The following ITGB5 variants were observed in gnomAD, a reference collection of about 807,000 sequenced individuals.
ITGB5 encodes the protein integrin beta-5.
Under a neutral mutation model 84.8 loss-of-function variants are expected in ITGB5, and 38 were observed. The observed-to-expected ratio is 0.45, with a 90% confidence interval of 0.35 to 0.59. The LOEUF is 0.59. Among genes scored for constraint, ITGB5 ranks in the 20% least tolerant of loss-of-function variants. The probability of loss-of-function intolerance (pLI) is 0.01; values close to 1 mark genes in which losing one functional copy is unlikely to be tolerated. For missense variants in ITGB5, 905 were observed against 1,034.5 expected (o/e 0.87, Z 1.72); for synonymous variants, 393 against 414.4 (o/e 0.95, Z 0.63).
At chr3:124,769,293 G>A in intron 11 of ITGB5, 180 bp from the exon 12 acceptor site, 1 of 574,496 alleles carries the variant, frequency 1.7e-6, no homozygotes, top group Non-Finnish European at 3.1e-6. Flanking sequence ...AAGCCCAAGG[G>A]TTCTTGGAGG....
chr3:124,872,312 G>A (rs2107638222), intron 2 of ITGB5, among the ~76,000 whole-genome samples: 1 of 152,280 alleles, frequency 6.6e-6, no homozygotes, highest in East Asian at 1.9e-4. Context: ...ACACTTGTGT[G>A]ACCTTGAGTG....
At position 124,788,970 on chromosome 3, in the gene ITGB5, G is replaced by A. The variant is rs942371410; in HGVS notation, c.1693+7418C>T. ...GCACTTTGGGATGCTGAGGTGGGAG[G>A]ATCCCTTGAGCCCAGGAGTTCAAGA... On this transcript the variant is annotated intron_variant, in intron 10 of 14. Transcript: ENST00000296181. 2.6e-5 allele frequency among the ~76,000 whole-genome samples: 4 copies of A among 152,242 alleles called. No individual in the cohort carries two copies. The South Asian group carries it at 6.2e-4, about 24-fold the overall frequency.
chr3:124,787,575 T>C (rs2064099327), intron 10 of ITGB5: 1 of 152,244 alleles, frequency 6.6e-6, no homozygotes, highest in South Asian at 2.1e-4. Context: ...AGTACAACAC[T>C]TGGCTTATGA....
chr3:124,898,569 G>A (rs1474517984), intron 1 of ITGB5, among the ~76,000 whole-genome samples: 11 of 145,770 alleles, frequency 7.5e-5, no homozygotes, highest in South Asian at 4.5e-4. Context: ...GCGTGAACCC[G>A]GGAGGCAGAG....
At chr3:124,821,269 C>G (rs752861057) in intron 6 of ITGB5, 44 bp downstream of exon 6, 2 of 1,577,772 alleles carry the variant, frequency 1.3e-6, no homozygotes, top group Non-Finnish European at 1.7e-6. Context: ...GGCAGGGTCA[C>G]AAGAGAGGCA....
At chr3:124,802,761 G>A (rs899604978) in intron 9 of ITGB5, among the ~76,000 whole-genome samples, 5 of 152,252 alleles carry the variant, frequency 3.3e-5, no homozygotes, top group Non-Finnish European at 7.3e-5. Flanking sequence ...TGCATGGCCT[G>A]GTGTGGCTCT....
chr3:124,783,019 G>T (rs2064027048), intron 10 of ITGB5, among the ~76,000 whole-genome samples: 1 of 151,752 alleles, frequency 6.6e-6, no homozygotes, highest in African/African-American at 2.4e-5. Flanking sequence ...GGCCGGGCAT[G>T]GTGGCTCACG....
At chr3:124,802,104 C>T (rs1334924622) in intron 9 of ITGB5, among the ~76,000 whole-genome samples, 2 of 152,242 alleles carry the variant, frequency 1.3e-5, no homozygotes, top group Non-Finnish European at 2.9e-5. Flanking sequence ...GGCTTTCCCA[C>T]AGCACTCATC....
At chr3:124,794,141 G>A (rs919942281) in intron 10 of ITGB5, among the ~76,000 whole-genome samples, 3 of 152,212 alleles carry the variant, frequency 2.0e-5, no homozygotes, top group Non-Finnish European at 2.9e-5. Flanking sequence ...GGGAGCCCTG[G>A]AAACCACAGA....
chr3:124,848,683 G>A (rs2065111026), intron 3 of ITGB5, 125 bp from the exon 4 acceptor site: 1 of 1,051,416 alleles, frequency 9.5e-7, no homozygotes, highest in Non-Finnish European at 1.4e-6. Context: ...CCTCACAGAA[G>A]ATTTTTCTTG....
At chr3:124,876,520 G>A (rs955025355) in intron 1 of ITGB5, among the ~76,000 whole-genome samples, 3 of 152,194 alleles carry the variant, frequency 2.0e-5, no homozygotes, top group Non-Finnish European at 4.4e-5. Context: ...GGTGGTAGGG[G>A]AAGGAAGCTT....
chr3:124,875,476 C>CAAAAAAAA (rs35782965), intron 1 of ITGB5, among the ~76,000 whole-genome samples: 3 of 104,644 alleles, frequency 2.9e-5, no homozygotes, highest in Non-Finnish European at 5.8e-5. Flanking sequence ...GACTCTGTCT[C>CAAAAAAAA]AAAAAAAAAA....
At chr3:124,847,740 A>T (rs1240978317) in intron 4 of ITGB5, among the ~76,000 whole-genome samples, 2 of 152,158 alleles carry the variant, frequency 1.3e-5, no homozygotes, top group Non-Finnish European at 2.9e-5. Flanking sequence ...GCCATTATAC[A>T]CTTTGTTATT....
At chr3:124,811,220 A>G (rs1303391049) in intron 8 of ITGB5, among the ~76,000 whole-genome samples, 1 of 152,076 alleles carries the variant, frequency 6.6e-6, no homozygotes, top group Non-Finnish European at 1.5e-5. Flanking sequence ...CTTCCCTACC[A>G]TGTTGTGAAG....
At chr3:124,820,765 T>C (rs2064688761) in intron 6 of ITGB5, among the ~76,000 whole-genome samples, 2 of 152,212 alleles carry the variant, frequency 1.3e-5, no homozygotes, top group South Asian at 4.1e-4. Flanking sequence ...TATATATCTT[T>C]GAAATTTTGC....
At chr3:124,851,452 G>C (rs1363912314) in intron 3 of ITGB5, among the ~76,000 whole-genome samples, 2 of 152,152 alleles carry the variant, frequency 1.3e-5, no homozygotes, top group Non-Finnish European at 2.9e-5. Flanking sequence ...AACAGCTACA[G>C]CCTTGGGCAT....
intron 1 of ITGB5, among the ~76,000 whole-genome samples, chr3:124,879,134 G>A (rs1934462278): frequency 6.6e-6 from 1 of 152,156 alleles, no homozygotes; most frequent in Non-Finnish European, 1.5e-5. Flanking sequence ...TTTATCCTAA[G>A]CCAACCCTTC....
intron 5 of ITGB5, among the ~76,000 whole-genome samples, chr3:124,839,846 A>G (rs1186805667): frequency 6.6e-6 from 1 of 152,178 alleles, no homozygotes; most frequent in Non-Finnish European, 1.5e-5. Context: ...GAATCAAACA[A>G]TTTGGCTCTG....
At chr3:124,808,982 A>C in intron 9 of ITGB5, 40 bp downstream of exon 9, 2 of 1,601,242 alleles carry the variant, frequency 1.2e-6, no homozygotes, top group Non-Finnish European at 1.7e-6. Context: ...CTGATGACCA[A>C]TGCTAACAAG....
Sources: gnomAD v4.1 joint callset for allele counts (sites outside exome capture counted in the v4.1 genomes callset) on GRCh38, gnomAD v4.1.1 for gene constraint, MANE v1.5 for transcripts, NCBI Gene and HGNC (gene_info 2026-07-23, HGNC 2026-07-21) for gene names.